The following TBC1D5 variants were observed in gnomAD, a reference collection of about 807,000 sequenced individuals.
TBC1D5 encodes the protein TBC1 domain family member 5.
In TBC1D5, 75 loss-of-function variants were observed where a neutral mutation model predicts 100.3. The observed-to-expected ratio is 0.75, with a 90% CI of 0.62 to 0.91. TBC1D5 has a LOEUF of 0.91. Among genes scored for constraint, TBC1D5 ranks in the 40% least tolerant of loss-of-function variants. The pLI is 0.00. For synonymous variants in TBC1D5, 323 were observed against 325.6 expected (o/e 0.99, Z 0.09); for missense variants, 910 against 942.4 (o/e 0.97, Z 0.45).
intron 2 of TBC1D5, among the ~76,000 whole-genome samples, chr3:17,523,557 C>T (rs956238930): frequency 6.6e-6 from 1 of 151,972 alleles, no homozygotes; most frequent in Admixed American, 6.6e-5. Context: ...CAGAGGTCAA[C>T]TCAAAAAAGA....
At chr3:17,651,656 T>C (rs1262891013) in intron 1 of TBC1D5, among the ~76,000 whole-genome samples, 4 of 152,138 alleles carry the variant, frequency 2.6e-5, no homozygotes, top group South Asian at 2.1e-4. Flanking sequence ...TGAGCCAAGA[T>C]TGCGCTACTG....
At chr3:17,199,344 G>C (rs998672663) in intron 18 of TBC1D5, among the ~76,000 whole-genome samples, 1 of 152,178 alleles carries the variant, frequency 6.6e-6, no homozygotes, top group Non-Finnish European at 1.5e-5. Flanking sequence ...TGATATTATA[G>C]TTTGACAGTT....
intron 13 of TBC1D5, among the ~76,000 whole-genome samples, chr3:17,358,135 T>C (rs924192345): frequency 2.6e-5 from 4 of 152,120 alleles, no homozygotes; most frequent in African/African-American, 9.7e-5. Context: ...TGTCACTGCC[T>C]TGGCTAAATT....
chr3:17,227,859 T>G (rs1053622817), intron 17 of TBC1D5, among the ~76,000 whole-genome samples: 8 of 151,962 alleles, frequency 5.3e-5, no homozygotes, highest in Non-Finnish European at 1.0e-4. Flanking sequence ...AAAGTTTTTT[T>G]TTTTTTTTTT....
chr3:17,358,568 C>T (rs539021667), intron 13 of TBC1D5, among the ~76,000 whole-genome samples: 1 of 152,246 alleles, frequency 6.6e-6, no homozygotes, highest in South Asian at 2.1e-4. Context: ...TTAATAAAAC[C>T]TGAATCTACT....
At chr3:17,612,869 G>T (rs1196202825) in intron 2 of TBC1D5, among the ~76,000 whole-genome samples, 1 of 149,430 alleles carries the variant, frequency 6.7e-6, no homozygotes, top group Non-Finnish European at 1.5e-5. Flanking sequence ...ATACATAAGG[G>T]ATGAGAAAGC....
At chr3:17,367,885 T>A (rs1425393329) in intron 13 of TBC1D5, among the ~76,000 whole-genome samples, 2 of 151,928 alleles carry the variant, frequency 1.3e-5, no homozygotes, top group East Asian at 3.9e-4. Flanking sequence ...AGATGTTAAT[T>A]ATTTATTCGA....
At chr3:17,220,336 C>T (rs189877502) in intron 17 of TBC1D5, among the ~76,000 whole-genome samples, 93 of 152,110 alleles carry the variant, frequency 6.1e-4, no homozygotes, top group African/African-American at 1.9e-3. Context: ...TATATGTGAA[C>T]GTGTATGTGG....
chr3:17,432,511 G>A (rs1559873893), intron 3 of TBC1D5, among the ~76,000 whole-genome samples: 1 of 152,020 alleles, frequency 6.6e-6, no homozygotes. Context: ...AAAAATCCAG[G>A]ACCACTCATT....
At chr3:17,159,462 T>A (rs2065858852) in exon 22 of TBC1D5, 1 of 152,290 alleles carries the variant, frequency 6.6e-6, no homozygotes, top group Non-Finnish European at 1.5e-5. Context: ...CTCGCCATCC[T>A]CTGAGGACAG....
At chr3:17,226,543 A>G (rs1473842195) in intron 17 of TBC1D5, among the ~76,000 whole-genome samples, 1 of 152,024 alleles carries the variant, frequency 6.6e-6, no homozygotes, top group East Asian at 1.9e-4. Context: ...TTCCTTGCCC[A>G]AGGTCATGCC....
intron 21 of TBC1D5, among the ~76,000 whole-genome samples, 196 bp downstream of exon 22, chr3:17,166,571 T>TA (rs922319867): frequency 4.6e-5 from 7 of 152,228 alleles, no homozygotes; most frequent in African/African-American, 1.7e-4. Flanking sequence ...ACACTTGTCT[T>TA]ACCAGTATCA....
At chr3:17,254,773 G>GGT (rs1392115917) in intron 16 of TBC1D5, among the ~76,000 whole-genome samples, 2 of 100,466 alleles carry the variant, frequency 2.0e-5, no homozygotes, top group African/African-American at 7.8e-5. Context: ...GGGTGGGGGG[G>GGT]GGGTCCCAAG....
chr3:17,418,717 A>G (rs950753790), intron 4 of TBC1D5, among the ~76,000 whole-genome samples: 27 of 152,344 alleles, frequency 1.8e-4, no homozygotes, highest in African/African-American at 6.5e-4. Context: ...AAATAGATAC[A>G]TATGTAAATA....
chr3:17,392,675 C>T (rs539040696), intron 8 of TBC1D5, among the ~76,000 whole-genome samples: 19 of 152,222 alleles, frequency 1.2e-4, no homozygotes, highest in African/African-American at 4.1e-4. Context: ...TCATCCATGT[C>T]CCTGCAAAGG....
intron 1 of TBC1D5, among the ~76,000 whole-genome samples, chr3:17,672,188 T>C (rs1301579992): frequency 1.3e-5 from 2 of 152,190 alleles, no homozygotes; most frequent in South Asian, 2.1e-4. Context: ...AAATACATGA[T>C]TTTTTGCAAA....
At chr3:17,177,884 G>C (rs866062459) in intron 19 of TBC1D5, among the ~76,000 whole-genome samples, 4 of 152,010 alleles carry the variant, frequency 2.6e-5, no homozygotes, top group Middle Eastern at 6.4e-3. Flanking sequence ...TTTATTCTTT[G>C]TGTTACCATC....
chr3:17,491,634 C>T lies in TBC1D5; in HGVS notation c.97+16840G>A, dbSNP rs567824822. 2.6e-5 allele frequency among the ~76,000 whole-genome samples: 4 copies of T among 152,230 alleles called. No homozygotes were observed. In the South Asian group the frequency reaches 8.3e-4, roughly 32 times the overall value. ...TATTGACTTGCATATGCTGAACCAGCCTTGCATCCCGGGGATGAGGTCGAC... is the reference window on the plus strand; with the variant it reads ...TATTGACTTGCATATGCTGAACCAGTCTTGCATCCCGGGGATGAGGTCGAC... On this transcript the variant is annotated intron_variant, in intron 3 of 21. Coordinates refer to ENST00000253692, the Ensembl canonical transcript of TBC1D5.
At chr3:17,195,099 GTCT>G (rs1471894888) in intron 18 of TBC1D5, among the ~76,000 whole-genome samples, 13 of 152,308 alleles carry the variant, frequency 8.5e-5, no homozygotes, top group African/African-American at 2.4e-4. Context: ...CATATGGTAT[GTCT>G]TCTTAGCCCT....
Sources: gnomAD v4.1 joint callset for allele counts (sites outside exome capture counted in the v4.1 genomes callset) on GRCh38, gnomAD v4.1.1 for gene constraint, MANE v1.5 for transcripts, NCBI Gene and HGNC (gene_info 2026-07-23, HGNC 2026-07-21) for gene names.